Variants in SGCB observed in about 807,000 individuals in gnomAD.
The protein encoded by SGCB is beta-sarcoglycan.
In SGCB, 25 loss-of-function variants were observed where a neutral mutation model predicts 27.3. The observed-to-expected ratio is 0.92, with a 90% CI of 0.67 to 1.28. The LOEUF (loss-of-function observed/expected upper bound fraction) is 1.28. Among genes scored for constraint, SGCB ranks in the 50% most tolerant of loss-of-function variants. SGCB has a pLI of 0.00. For missense variants in SGCB, 436 were observed against 402.1 expected (o/e 1.08, Z -0.72); for synonymous variants, 147 against 133.5 (o/e 1.10, Z -0.70).
rs1483409024 is a variant in SGCB, at chr4:52,021,657, T to C, written c.*2300A>G. On this transcript the variant is annotated 3_prime_UTR_variant, in exon 6 of 6. Coordinates refer to ENST00000381431, the MANE Select transcript of SGCB (RefSeq NM_000232.5). The stretch of plus-strand genomic sequence containing the variant: ...CCAGCCTGGCGACAGAACAAGACTC[T>C]GTCTCAAAAAAATAAATTAATTAAT... 1 of 152,050 alleles carries C rather than the reference T, an allele frequency of 6.6e-6. No homozygotes were observed. The highest frequency in any genetic ancestry group is 1.5e-5 in the Non-Finnish European group (1 of 68,020). The allele number at this position is 152,050 out of a possible 1,614,324, so 9.4% of individuals were successfully genotyped here.
chr4:52,022,734 T>C lies in SGCB; in HGVS notation c.*1223A>G, dbSNP rs1736987065. The stretch of plus-strand genomic sequence containing the variant: ...CCACTTTCCACTGTGTTGCCCCGAG[T>C]GCTGAGGGTATAAATATCTTGGCAA... On this transcript the variant is annotated 3_prime_UTR_variant, in exon 6 of 6. Coordinates refer to ENST00000381431, the MANE Select transcript of SGCB (RefSeq NM_000232.5). 6.6e-6 allele frequency: 1 copy of C among 152,102 alleles called. No homozygotes were observed. The highest frequency in any genetic ancestry group is 2.4e-5 in the African/African-American group (1 of 41,406). 9.4% of individuals were successfully genotyped at this position (152,102 alleles called of 1,614,324 possible). A position where few individuals can be genotyped will look rare whatever the true frequency, so the allele number is the denominator to read the frequency against.
At chr4:52,026,248 TGG>T (rs1737089396) in intron 5 of SGCB, among the ~76,000 whole-genome samples, 1 of 147,704 alleles carries the variant, frequency 6.8e-6, no homozygotes, top group African/African-American at 2.5e-5. Context: ...TTTTTGTTGT[TGG>T]TTTTTTTTTT....
chr4:52,038,215 G>C lies in SGCB; in HGVS notation c.33+12C>G. 1 of 1,248,020 alleles carries C rather than the reference G, an allele frequency of 8.0e-7. No individual in the cohort carries two copies. Among genetic ancestry groups the C allele is most frequent in the South Asian group, 3.0e-5 (1 of 32,812 alleles). 77.3% of individuals were successfully genotyped at this position (1,248,020 alleles called of 1,614,324 possible). On this transcript the variant is annotated intron_variant, in intron 1 of 5. Coordinates refer to ENST00000381431, the MANE Select transcript of SGCB (RefSeq NM_000232.5). ...GCTCCTCCAGCCCGCGGCCGCGGCG[G>C]TACTCACAGACCTGTTCTGCAGCCG...
chr4:52,024,578 C>T (rs941797135), intron 5 of SGCB, among the ~76,000 whole-genome samples: 9 of 151,956 alleles, frequency 5.9e-5, no homozygotes, highest in Non-Finnish European at 8.8e-5. Flanking sequence ...CCTGTAATCC[C>T]AGCACTTTGG....
Position 52,033,542 on chromosome 4 carries a change from G to A in SGCB, c.132C>T (p.Tyr44=). The A allele has an allele frequency of 6.2e-7, 1 of 1,613,518 alleles. No individual in the cohort carries two copies. Among genetic ancestry groups the A allele is most frequent in the Non-Finnish European group, 8.5e-7 (1 of 1,179,464 alleles). Residue 44 remains tyrosine, a synonymous_variant, in exon 2 of 6, where the codon TAC becomes TAT. Transcript: ENST00000381431. The part of the protein sequence containing the change: ...KEHNSNFKAG[Y]IPIDEDRLHK... ...GGAGACGATCTTCATCAATCGGAAT[G>A]TATCCAGCTTTAAAGTTACTGTTGT...
chr4:52,025,379 CT>C (rs1737062280), intron 5 of SGCB, among the ~76,000 whole-genome samples: 1 of 152,000 alleles, frequency 6.6e-6, no homozygotes, highest in Non-Finnish European at 1.5e-5. Flanking sequence ...CCAACAGAAA[CT>C]AGAGGAAGTG....
At position 52,020,860 on chromosome 4, in the gene SGCB, A is replaced by G. The variant is rs1345572266; in HGVS notation, c.*3097T>C. On this transcript the variant is annotated 3_prime_UTR_variant, in exon 6 of 6. Transcript: ENST00000381431. Reference sequence around the variant, plus strand: ...TTGCCCCCTCAATACTTTTAAGAAGACTGTTAAAATTTTCAGCATTTCAAT... The same window carrying G: ...TTGCCCCCTCAATACTTTTAAGAAGGCTGTTAAAATTTTCAGCATTTCAAT... 1.3e-5 allele frequency: 2 copies of G among 152,540 alleles called. No individual in the cohort carries two copies. Among genetic ancestry groups the G allele is most frequent in the African/African-American group, 2.4e-5 (1 of 41,420 alleles). The allele number at this position is 152,540 out of a possible 1,614,324, so 9.4% of individuals were successfully genotyped here.
rs1736939870 is a variant in SGCB, at chr4:52,021,173, T to C, written c.*2784A>G. The C allele has an allele frequency of 1.3e-5, 2 of 152,184 alleles. No homozygotes were observed. The allele number at this position is 152,184 out of a possible 1,614,324, so 9.4% of individuals were successfully genotyped here. On this transcript the variant is annotated 3_prime_UTR_variant, in exon 6 of 6. Transcript: ENST00000381431. Reference sequence around the variant, plus strand: ...ACCCGTCTCTAGAATACTGTGGTAATTGAAACTAGCATGTACCTGCGCCCC... The same window carrying C: ...ACCCGTCTCTAGAATACTGTGGTAACTGAAACTAGCATGTACCTGCGCCCC...
chr4:52,026,095 A>T (rs569222218), intron 5 of SGCB, among the ~76,000 whole-genome samples: 1 of 152,208 alleles, frequency 6.6e-6, no homozygotes, highest in South Asian at 2.1e-4. Context: ...AAAGAGAGAA[A>T]ATTGGTTATA....
At chr4:52,031,392 CTGTGTGTGTGTGTATGTG>C (rs1431297828) in intron 2 of SGCB, among the ~76,000 whole-genome samples, 4 of 140,250 alleles carry the variant, frequency 2.9e-5, no homozygotes, top group East Asian at 2.1e-4. Context: ...CCATTCATCT[CTGTGTGTGTGTGTATGTG>C]TGTGTGTGTG....
intron 3 of SGCB, among the ~76,000 whole-genome samples, chr4:52,029,312 A>C (rs535551761): frequency 5.3e-5 from 8 of 152,352 alleles, no homozygotes; most frequent in Non-Finnish European, 8.8e-5. Flanking sequence ...CCAAAACTAC[A>C]GAGTATTCTC....
chr4:52,024,200 A>C (rs771814373), intron 5 of SGCB, 40 bp from the exon 6 acceptor site: 8 of 1,491,020 alleles, frequency 5.4e-6, no homozygotes, highest in Admixed American at 5.1e-5. Flanking sequence ...TACCTCCATG[A>C]GGGGGTACAG....
Position 52,024,176 on chromosome 4 carries a change from T to TAA in SGCB, c.754-18_754-17dup, listed in dbSNP as rs779231687. 3 of 1,596,538 alleles carry TAA rather than the reference T, an allele frequency of 1.9e-6. No homozygotes were observed. The African/African-American group carries it at 4.0e-5, about 21-fold the overall frequency. The stretch of plus-strand genomic sequence containing the variant: ...TACTGTTTTCCTATTAGGAGAATAG[T>TAA]AATATGATTTATTTACCTCCATGAG... On this transcript the variant is annotated splice_polypyrimidine_tract_variant and intron_variant, in intron 5 of 5. Coordinates refer to ENST00000381431, the MANE Select transcript of SGCB (RefSeq NM_000232.5).
At chr4:52,024,753 G>A (rs187859313) in intron 5 of SGCB, among the ~76,000 whole-genome samples, 311 of 144,790 alleles carry the variant, frequency 2.1e-3, no homozygotes, top group Non-Finnish European at 3.8e-3. Flanking sequence ...GCGTGAACCC[G>A]GGAGGCGGAG....
intron 1 of SGCB, 112 bp downstream of exon 1, chr4:52,038,113 CAG>C: frequency 1.0e-6 from 1 of 991,950 alleles, no homozygotes; most frequent in Non-Finnish European, 1.2e-6. Context: ...CCGCCGAACC[CAG>C]ACCCTGCGGC....
intron 1 of SGCB, 133 bp downstream of exon 1, chr4:52,038,094 C>CCCAA: frequency 4.5e-5 from 20 of 446,314 alleles, no homozygotes; most frequent in Non-Finnish European, 5.1e-5. Context: ...CGCCCCGCCC[C>CCCAA]GATCGGCCCC....
At chr4:52,025,493 C>A (rs1737066410) in intron 5 of SGCB, among the ~76,000 whole-genome samples, 1 of 152,118 alleles carries the variant, frequency 6.6e-6, no homozygotes, top group African/African-American at 2.4e-5. Flanking sequence ...CCAGGGACAG[C>A]TATGAGGCCA....
intron 5 of SGCB, among the ~76,000 whole-genome samples, chr4:52,026,443 G>T (rs1235557494): frequency 1.3e-5 from 2 of 151,860 alleles, no homozygotes; most frequent in Non-Finnish European, 2.9e-5. Flanking sequence ...ATTTTTAGTA[G>T]AGACGGGGTT....
chr4:52,031,745 A>G (rs1737252522), intron 2 of SGCB: 1 of 269,138 alleles, frequency 3.7e-6, no homozygotes, highest in African/African-American at 2.2e-5. Context: ...ACTTTCCTCA[A>G]AAGTCTATTG....
Sources: gnomAD v4.1 joint callset for allele counts (sites outside exome capture counted in the v4.1 genomes callset) on GRCh38, gnomAD v4.1.1 for gene constraint, MANE v1.5 for transcripts, NCBI Gene and HGNC (gene_info 2026-07-23, HGNC 2026-07-21) for gene names.